CSMD1: variants seen among roughly 807,000 people sequenced by gnomAD.
CSMD1 encodes CUB and sushi domain-containing protein 1.
In CSMD1, 213 loss-of-function variants were observed where a neutral mutation model predicts 417.5. The observed-to-expected ratio is 0.51, with a 90% CI of 0.46 to 0.57. CSMD1 has a LOEUF of 0.57. Ranked by LOEUF, CSMD1 falls within the 20% of genes least tolerant of loss-of-function variation. The pLI, the probability that CSMD1 is intolerant of heterozygous loss-of-function variation, is 0.00. For missense variants in CSMD1, 6,923 were observed against 4,529.7 expected, an observed-to-expected ratio of 1.53 and a Z score of -15.17; for synonymous variants, 2,862 against 1,736.8, an observed-to-expected ratio of 1.65 and a Z score of -16.11.
chr8:3,962,687 G>T (rs1428902898), intron 5 of CSMD1, among the ~76,000 whole-genome samples: 1 of 152,146 alleles, frequency 6.6e-6, no homozygotes, highest in Non-Finnish European at 1.5e-5. Flanking sequence ...TGGGTGGGGA[G>T]TGTGGTGCAG....
At chr8:4,476,742 A>T (rs1337866787) in intron 2 of CSMD1, among the ~76,000 whole-genome samples, 1 of 152,050 alleles carries the variant, frequency 6.6e-6, no homozygotes, top group South Asian at 2.1e-4. Flanking sequence ...TAATTTCTAT[A>T]CCTCCGTTTG....
chr8:3,259,304 A>T (rs1052315761), intron 26 of CSMD1, among the ~76,000 whole-genome samples: 2 of 152,176 alleles, frequency 1.3e-5, no homozygotes, highest in Non-Finnish European at 2.9e-5. Context: ...ATGGATTTCT[A>T]GTTAGCATGT....
chr8:4,205,303 ATTG>A (rs1799911335), intron 3 of CSMD1, among the ~76,000 whole-genome samples: 1 of 152,160 alleles, frequency 6.6e-6, no homozygotes, highest in Non-Finnish European at 1.5e-5. Flanking sequence ...GAAAAAGATT[ATTG>A]TTATTTACTC....
chr8:3,377,784 G>A (rs1425385331), intron 18 of CSMD1, among the ~76,000 whole-genome samples: 1 of 152,152 alleles, frequency 6.6e-6, no homozygotes, highest in African/African-American at 2.4e-5. Context: ...TTCCATGAAT[G>A]TTTCCTCAGT....
intron 4 of CSMD1, among the ~76,000 whole-genome samples, chr8:4,021,527 C>T (rs749400329): frequency 9.9e-5 from 15 of 152,114 alleles, no homozygotes; most frequent in Admixed American, 8.5e-4. Flanking sequence ...AGTGTGGATG[C>T]TCCAGCAAGG....
At chr8:4,082,273 C>A (rs768253348) in intron 3 of CSMD1, among the ~76,000 whole-genome samples, 4 of 152,048 alleles carry the variant, frequency 2.6e-5, no homozygotes, top group Non-Finnish European at 5.9e-5. Flanking sequence ...AAAACTAACA[C>A]AAGGTAGAAT....
chr8:3,858,877 T>G (rs1042956674), intron 5 of CSMD1, among the ~76,000 whole-genome samples: 2 of 152,182 alleles, frequency 1.3e-5, no homozygotes, highest in African/African-American at 4.8e-5. Context: ...GGATCAGGTT[T>G]ATCGTGACAA....
chr8:4,889,643 G>A (rs1456853215), intron 1 of CSMD1, among the ~76,000 whole-genome samples: 1 of 152,130 alleles, frequency 6.6e-6, no homozygotes, highest in East Asian at 1.9e-4. Context: ...AGCCATAAGA[G>A]ACTGCAAATA....
At chr8:4,378,538 G>A (rs965870989) in intron 3 of CSMD1, among the ~76,000 whole-genome samples, 9 of 152,180 alleles carry the variant, frequency 5.9e-5, no homozygotes, top group African/African-American at 9.7e-5. Context: ...AAGTCACCGT[G>A]TGACCATTCT....
intron 7 of CSMD1, among the ~76,000 whole-genome samples, chr8:3,622,887 AG>A (rs1796325394): frequency 6.6e-6 from 1 of 152,226 alleles, no homozygotes; most frequent in South Asian, 2.1e-4. Context: ...AGGAATCCTT[AG>A]TACCTCAGAG....
At chr8:3,838,496 G>A (rs536295096) in intron 5 of CSMD1, among the ~76,000 whole-genome samples, 1 of 132,746 alleles carries the variant, frequency 7.5e-6, no homozygotes, top group African/African-American at 2.8e-5. Context: ...TAGATATATA[G>A]CCTAGGCTAT....
chr8:4,610,341 T>G (rs988726624), intron 2 of CSMD1, among the ~76,000 whole-genome samples: 1 of 152,204 alleles, frequency 6.6e-6, no homozygotes, highest in Non-Finnish European at 1.5e-5. Flanking sequence ...AGCACTATTG[T>G]AAGCATGTGA....
At chr8:2,976,743 G>C (rs146983435) in intron 55 of CSMD1, among the ~76,000 whole-genome samples, 2 of 152,266 alleles carry the variant, frequency 1.3e-5, no homozygotes, top group African/African-American at 4.8e-5. Context: ...AAAGACTAAA[G>C]AGAGTAACAC....
At chr8:4,445,814 T>C (rs1173409819) in intron 2 of CSMD1, among the ~76,000 whole-genome samples, 1 of 152,220 alleles carries the variant, frequency 6.6e-6, no homozygotes, top group Non-Finnish European at 1.5e-5. Flanking sequence ...TTAACGAGAA[T>C]GTTTAAATTG....
In CSMD1 at chr8:4,685,571, T is replaced by C. The variant is rs184358268; in HGVS notation, c.86-48013A>G. 1.6e-3 allele frequency among the ~76,000 whole-genome samples: 245 copies of C among 151,830 alleles called. 3 individuals carry two copies. Among genetic ancestry groups the C allele is most frequent in the African/African-American group, 5.7e-3 (237 of 41,298 alleles). ...AGCCTGGGTGACAGAATGAGACTCC[T>C]TCTTTAAAAGAAAAAAAGAAAGAAA... On this transcript the variant is annotated intron_variant, in intron 1 of 69. Transcript: ENST00000635120.
At chr8:4,602,910 G>A (rs1183758907) in intron 2 of CSMD1, among the ~76,000 whole-genome samples, 2 of 151,400 alleles carry the variant, frequency 1.3e-5, no homozygotes, top group East Asian at 1.9e-4. Context: ...TATGATCTAG[G>A]TTAAAATAGA....
intron 27 of CSMD1, among the ~76,000 whole-genome samples, chr8:3,227,091 G>T (rs997730954): frequency 3.3e-5 from 5 of 152,196 alleles, no homozygotes; most frequent in Admixed American, 6.5e-5. Context: ...AAATCGGTGT[G>T]ACTGCTCTGA....
intron 6 of CSMD1, among the ~76,000 whole-genome samples, chr8:3,721,610 C>G (rs1175088328): frequency 6.6e-6 from 1 of 152,102 alleles, no homozygotes; most frequent in Non-Finnish European, 1.5e-5. Context: ...TTTCTCAGTC[C>G]TACCTTAATT....
Position 4,648,175 on chromosome 8 carries a change from A to C in CSMD1, c.86-10617T>G, listed in dbSNP as rs1421026287. Reference sequence around the variant, plus strand: ...GTTTCTCTGATTATCAGTGATGTTGAGCTTTCTTTCTTATGTTTGTTGGAC... The same window carrying C: ...GTTTCTCTGATTATCAGTGATGTTGCGCTTTCTTTCTTATGTTTGTTGGAC... On this transcript the variant is annotated intron_variant, in intron 1 of 69. Coordinates refer to ENST00000635120, the MANE Select transcript of CSMD1 (RefSeq NM_033225.6). Among the ~76,000 whole-genome samples the C allele has an allele frequency of 2.0e-5, 3 of 152,054 alleles. 1 individual carries two copies.
Sources: allele counts gnomAD v4.1 joint callset (sites outside exome capture counted in the v4.1 genomes callset), GRCh38; gene constraint gnomAD v4.1.1; transcripts MANE v1.5; gene names NCBI Gene and HGNC (gene_info 2026-07-23, HGNC 2026-07-21).